Variants in PLS1 observed in about 807,000 individuals in gnomAD.
PLS1 encodes the protein plastin 1, also known as plastin-1.
In PLS1, 32 loss-of-function variants were observed where a neutral mutation model predicts 73.7. That is an observed-to-expected ratio of 0.43 (90% CI 0.33 to 0.58). The LOEUF is 0.58. Among genes scored for constraint, PLS1 ranks in the 20% least tolerant of loss-of-function variants. The pLI is 0.04. For missense variants in PLS1, 633 were observed against 740.5 expected, an observed-to-expected ratio of 0.85 and a Z score of 1.68; for synonymous variants, 217 against 261.3, an observed-to-expected ratio of 0.83 and a Z score of 1.63.
At chr3:142,711,004 T>G (rs1025428514) in intron 14 of PLS1, among the ~76,000 whole-genome samples, 3 of 152,202 alleles carry the variant, frequency 2.0e-5, no homozygotes, top group Non-Finnish European at 2.9e-5. Flanking sequence ...ATTCCTTTAC[T>G]ATCAAGATGC....
intron 12 of PLS1, among the ~76,000 whole-genome samples, chr3:142,702,889 C>T (rs55968753): frequency 0.18 from 27,581 of 151,960 alleles, 2,790 homozygotes; most frequent in Middle Eastern, 0.27. Flanking sequence ...GATTTGTGCA[C>T]GTAAAAATTT....
chr3:142,660,507 G>C (rs1361449115), intron 1 of PLS1, among the ~76,000 whole-genome samples: 1 of 152,160 alleles, frequency 6.6e-6, no homozygotes, highest in Non-Finnish European at 1.5e-5. Context: ...GGTAAATGTA[G>C]AGTATTGGTT....
chr3:142,679,589 T>G (rs1158416597), intron 6 of PLS1, among the ~76,000 whole-genome samples: 4 of 152,156 alleles, frequency 2.6e-5, no homozygotes, highest in Non-Finnish European at 4.4e-5. Flanking sequence ...GTTGTAGATA[T>G]GCGGCGTTAT....
intron 1 of PLS1, among the ~76,000 whole-genome samples, chr3:142,662,718 A>C (rs1398564068): frequency 6.6e-6 from 1 of 152,230 alleles, no homozygotes; most frequent in Non-Finnish European, 1.5e-5. Flanking sequence ...GTAATGAAAA[A>C]TTAGAAGCAG....
chr3:142,612,467 T>A (rs1254141930), intron 1 of PLS1, among the ~76,000 whole-genome samples: 1 of 152,258 alleles, frequency 6.6e-6, no homozygotes, highest in Non-Finnish European at 1.5e-5. Context: ...TTGTTCATCA[T>A]CCCGGTGGCT....
intron 8 of PLS1, 21 bp from the exon 9 acceptor site, chr3:142,686,263 A>C: frequency 7.2e-7 from 1 of 1,391,806 alleles, no homozygotes; most frequent in Non-Finnish European, 1.0e-6. Context: ...TAAAAATGCT[A>C]TTTCATATCT....
chr3:142,655,001 C>T (rs537115604), intron 1 of PLS1: 1 of 152,196 alleles, frequency 6.6e-6, no homozygotes, highest in East Asian at 1.9e-4. Flanking sequence ...CCTTTCCCCA[C>T]ATATACAACA....
intron 1 of PLS1, among the ~76,000 whole-genome samples, chr3:142,645,039 T>C (rs1398380289): frequency 6.6e-6 from 1 of 152,236 alleles, no homozygotes; most frequent in Non-Finnish European, 1.5e-5. Flanking sequence ...ACCCGTTTGA[T>C]AGAATCATTC....
intron 1 of PLS1, among the ~76,000 whole-genome samples, chr3:142,660,871 G>A (rs1362269166): frequency 6.6e-6 from 1 of 152,148 alleles, no homozygotes; most frequent in Non-Finnish European, 1.5e-5. Context: ...AACATTTTAT[G>A]TAATTAACAA....
rs1304793267 is a variant in PLS1, at chr3:142,697,382, G to A, written c.1257-571G>A. ...ATTCTTACTGTACAAGTTTTAGGAAGTATGTAAGTATATGGAATAAAATAA... is the reference window on the plus strand; with the variant it reads ...ATTCTTACTGTACAAGTTTTAGGAAATATGTAAGTATATGGAATAAAATAA... On this transcript the variant is annotated intron_variant, in intron 11 of 15. Transcript: ENST00000457734. Among the ~76,000 whole-genome samples, 7 of 152,090 alleles carry A rather than the reference G, an allele frequency of 4.6e-5. No individual in the cohort carries two copies. In the East Asian group the frequency reaches 1.3e-3, roughly 29 times the overall value.
At chr3:142,703,289 A>ATTTTTTT (rs56392615) in intron 12 of PLS1, among the ~76,000 whole-genome samples, 1 of 105,072 alleles carries the variant, frequency 9.5e-6, no homozygotes, top group Non-Finnish European at 1.9e-5. Context: ...ATAGTCAAGA[A>ATTTTTTT]TTTTTTTTTT....
chr3:142,700,416 A>G (rs1171636665), intron 12 of PLS1, among the ~76,000 whole-genome samples: 1 of 151,938 alleles, frequency 6.6e-6, no homozygotes, highest in African/African-American at 2.4e-5. Flanking sequence ...TCTGCCTCCC[A>G]GGTTCATGCC....
chr3:142,597,039 A>C (rs746558079), intron 1 of PLS1, among the ~76,000 whole-genome samples: 7 of 152,156 alleles, frequency 4.6e-5, no homozygotes, highest in Non-Finnish European at 8.8e-5. Flanking sequence ...TCCGTGTTTC[A>C]GCTGCATTTT....
chr3:142,597,029 T>G (rs931076722), intron 1 of PLS1, among the ~76,000 whole-genome samples: 5 of 152,176 alleles, frequency 3.3e-5, no homozygotes, highest in East Asian at 1.9e-4. Flanking sequence ...CAAAAAACTT[T>G]CCGTGTTTCA....
chr3:142,610,610 T>A (rs1179547350), intron 1 of PLS1, among the ~76,000 whole-genome samples: 3 of 152,200 alleles, frequency 2.0e-5, no homozygotes, highest in Admixed American at 1.3e-4. Flanking sequence ...ATTTGATGAA[T>A]GTAGAATTCT....
intron 14 of PLS1, among the ~76,000 whole-genome samples, chr3:142,708,276 T>C (rs1932943787): frequency 2.0e-5 from 3 of 152,210 alleles, no homozygotes; most frequent in Admixed American, 1.3e-4. Context: ...AGACTGAGTC[T>C]TGCTCTGTCA....
rs146602323 is a variant in PLS1, at chr3:142,613,563, G to A, written c.-37+17054G>A. On this transcript the variant is annotated intron_variant, in intron 1 of 15. Transcript: ENST00000457734. ...GAAGGAAAGAGGTATGAAGGAGAAGGAAGGATTTTGAAAAGAAAATATTAT... is the reference window on the plus strand; with the variant it reads ...GAAGGAAAGAGGTATGAAGGAGAAGAAAGGATTTTGAAAAGAAAATATTAT... 1.9e-3 allele frequency among the ~76,000 whole-genome samples: 293 copies of A among 151,910 alleles called. 1 individual carries two copies. Among genetic ancestry groups the A allele is most frequent in the African/African-American group, 6.8e-3 (280 of 41,462 alleles).
chr3:142,666,985 T>C (rs75331807), intron 2 of PLS1, among the ~76,000 whole-genome samples: 1 of 152,078 alleles, frequency 6.6e-6, no homozygotes, highest in Admixed American at 6.5e-5. Context: ...TCACGTTGTT[T>C]TGTTGTTGTT....
chr3:142,674,088 A>T (rs2037668706), intron 4 of PLS1, among the ~76,000 whole-genome samples: 1 of 152,188 alleles, frequency 6.6e-6, no homozygotes, highest in African/African-American at 2.4e-5. Context: ...ACCCTAACTA[A>T]AAGTGATTGC....
Sources: allele counts gnomAD v4.1 joint callset (sites outside exome capture counted in the v4.1 genomes callset), GRCh38; gene constraint gnomAD v4.1.1; transcripts MANE v1.5; gene names NCBI Gene and HGNC (gene_info 2026-07-23, HGNC 2026-07-21).